The following CAMK4 variants were observed in gnomAD, a reference collection of about 807,000 sequenced individuals.
CAMK4 encodes calcium/calmodulin-dependent protein kinase type IV.
A neutral mutation model predicts 44.9 loss-of-function variants in CAMK4; 22 were observed. That is an observed-to-expected ratio of 0.49 (90% CI 0.35 to 0.70). CAMK4 has a LOEUF of 0.70. Ranked by LOEUF, CAMK4 falls within the 30% of genes least tolerant of loss-of-function variation. CAMK4 has a pLI of 0.01. For synonymous variants in CAMK4, 218 were observed against 215.4 expected (o/e 1.01, Z -0.11); for missense variants, 498 against 586.8 (o/e 0.85, Z 1.56).
intron 1 of CAMK4, among the ~76,000 whole-genome samples, chr5:111,343,291 A>G (rs537339759): frequency 3.8e-4 from 58 of 151,808 alleles, no homozygotes; most frequent in African/African-American, 1.3e-3. Flanking sequence ...CCTAATCTTC[A>G]AAGTCTGACA....
At position 111,277,363 on chromosome 5, in the gene CAMK4, G is replaced by A. The variant is rs75345027; in HGVS notation, c.161+52719G>A. Among the ~76,000 whole-genome samples, 632 of 152,296 alleles carry A rather than the reference G, an allele frequency of 4.1e-3. 4 individuals are homozygous for A. The highest frequency in any genetic ancestry group is 0.015 in the African/African-American group (611 of 41,576). On this transcript the variant is annotated intron_variant, in intron 1 of 10. Transcript: ENST00000282356. ...AAACAGAGGAATGTGGGCATGTTAT[G>A]TCATAAAGCATTAGAAGCATAATAT... is the stretch of plus-strand genomic sequence containing the variant.
intron 1 of CAMK4, among the ~76,000 whole-genome samples, chr5:111,292,829 G>C (rs1208023580): frequency 6.6e-6 from 1 of 152,092 alleles, no homozygotes; most frequent in Non-Finnish European, 1.5e-5. Context: ...TACTTGGGAG[G>C]CTGGGATAGG....
intron 1 of CAMK4, among the ~76,000 whole-genome samples, chr5:111,232,263 T>G (rs1166184297): frequency 6.6e-6 from 1 of 152,012 alleles, no homozygotes; most frequent in African/African-American, 2.4e-5. Flanking sequence ...AAAGATAAAT[T>G]AATGAATAAG....
intron 1 of CAMK4, among the ~76,000 whole-genome samples, chr5:111,299,285 G>A (rs1462613883): frequency 6.6e-6 from 1 of 152,180 alleles, no homozygotes; most frequent in African/African-American, 2.4e-5. Flanking sequence ...GCTTGTGCTT[G>A]GCTGGGAGCC....
Position 111,255,008 on chromosome 5 carries a change from A to T in CAMK4, c.161+30364A>T, listed in dbSNP as rs143142742. ...AGCTCATTGATGAAAAAAGAACCCA[A>T]CAAAATCCCAGTACTCCTAAAGCTA... On this transcript the variant is annotated intron_variant, in intron 1 of 10. Transcript: ENST00000282356. Among the ~76,000 whole-genome samples the T allele has an allele frequency of 6.8e-4, 104 of 152,240 alleles. No homozygotes were observed. In the East Asian group the frequency reaches 0.018, roughly 27 times the overall value.
chr5:111,244,847 C>T (rs570175992), intron 1 of CAMK4, among the ~76,000 whole-genome samples: 15 of 151,878 alleles, frequency 9.9e-5, no homozygotes, highest in African/African-American at 3.1e-4. Flanking sequence ...GGTGACAGAG[C>T]GAGATTCTGT....
intron 5 of CAMK4, among the ~76,000 whole-genome samples, chr5:111,401,784 G>C (rs1752238007): frequency 6.6e-6 from 1 of 152,162 alleles, no homozygotes; most frequent in Admixed American, 6.5e-5. Flanking sequence ...CTACCCCTAG[G>C]ACTGGGGGAA....
chr5:111,295,199 A>G (rs927253158), intron 1 of CAMK4, among the ~76,000 whole-genome samples: 1 of 152,216 alleles, frequency 6.6e-6, no homozygotes, highest in African/African-American at 2.4e-5. Flanking sequence ...TAAAATAGAA[A>G]AAGAAGCCAG....
chr5:111,478,762 A>G (rs1939014690), intron 9 of CAMK4, among the ~76,000 whole-genome samples: 1 of 152,246 alleles, frequency 6.6e-6, no homozygotes, highest in South Asian at 2.1e-4. Context: ...CTACCTTATA[A>G]GTATAAAAAC....
chr5:111,308,804 A>G (rs1748060113), intron 1 of CAMK4, among the ~76,000 whole-genome samples: 1 of 152,214 alleles, frequency 6.6e-6, no homozygotes, highest in South Asian at 2.1e-4. Context: ...GAAACCCATT[A>G]TTTATTTTGA....
intron 4 of CAMK4, among the ~76,000 whole-genome samples, chr5:111,377,766 C>T (rs1441887713): frequency 2.0e-5 from 3 of 151,776 alleles, no homozygotes; most frequent in Non-Finnish European, 2.9e-5. Flanking sequence ...AGAAGCCATG[C>T]GTGAATGGAA....
At chr5:111,430,040 G>A (rs1323324171) in intron 5 of CAMK4, among the ~76,000 whole-genome samples, 4 of 151,814 alleles carry the variant, frequency 2.6e-5, no homozygotes, top group African/African-American at 7.3e-5. Flanking sequence ...GCCAGTATCT[G>A]TGATGAACAT....
At chr5:111,328,192 G>A (rs1434004955) in intron 1 of CAMK4, among the ~76,000 whole-genome samples, 1 of 149,860 alleles carries the variant, frequency 6.7e-6, no homozygotes. Flanking sequence ...TTTGTATAAG[G>A]TGTAAGGAAG....
chr5:111,280,057 T>C (rs894750569), intron 1 of CAMK4, among the ~76,000 whole-genome samples: 10 of 152,200 alleles, frequency 6.6e-5, no homozygotes, highest in African/African-American at 2.2e-4. Context: ...GTGTGTATTA[T>C]AGTTTGTAAG....
chr5:111,466,726 T>A (rs1754848065), intron 7 of CAMK4, among the ~76,000 whole-genome samples: 1 of 152,180 alleles, frequency 6.6e-6, no homozygotes, highest in Non-Finnish European at 1.5e-5. Flanking sequence ...TGTCCCATGC[T>A]CATGGATGAG....
At chr5:111,456,476 G>A (rs1440013033) in intron 7 of CAMK4, among the ~76,000 whole-genome samples, 1 of 146,780 alleles carries the variant, frequency 6.8e-6, no homozygotes, top group Non-Finnish European at 1.5e-5. Context: ...CGGCGACAGA[G>A]CGAGACTCCA....
chr5:111,244,883 T>C (rs1204629948), intron 1 of CAMK4, among the ~76,000 whole-genome samples: 2 of 151,840 alleles, frequency 1.3e-5, no homozygotes, highest in Non-Finnish European at 2.9e-5. Context: ...ATAAAATAAA[T>C]AAATAAATAA....
At chr5:111,410,915 T>C (rs1295883203) in intron 5 of CAMK4, among the ~76,000 whole-genome samples, 2 of 152,170 alleles carry the variant, frequency 1.3e-5, no homozygotes, top group East Asian at 3.9e-4. Context: ...TAGGTGTTGG[T>C]AGAATCATGT....
intron 5 of CAMK4, among the ~76,000 whole-genome samples, chr5:111,407,273 C>T (rs749771762): frequency 3.3e-5 from 5 of 151,680 alleles, no homozygotes; most frequent in Non-Finnish European, 5.9e-5. Context: ...ATCGCTTGAA[C>T]CTGGGAGGCG....
Sources: gnomAD v4.1 joint callset for allele counts (sites outside exome capture counted in the v4.1 genomes callset) on GRCh38, gnomAD v4.1.1 for gene constraint, MANE v1.5 for transcripts, NCBI Gene and HGNC (gene_info 2026-07-23, HGNC 2026-07-21) for gene names.